ZNF236: variants seen among roughly 807,000 people sequenced by gnomAD.
ZNF236 encodes zinc finger protein 236, also known as regulated by glucose.
In ZNF236, 50 loss-of-function variants were observed where a neutral mutation model predicts 191.2. The observed-to-expected ratio is 0.26, with a 90% CI of 0.21 to 0.33. The LOEUF is 0.33. ZNF236 is among the 10% of genes least tolerant of loss of function. ZNF236 has a pLI of 1.00. For missense variants in ZNF236, 1,754 were observed against 2,374.5 expected, an observed-to-expected ratio of 0.74 and a Z score of 5.43; for synonymous variants, 907 against 928.8, an observed-to-expected ratio of 0.98 and a Z score of 0.43.
chr18:76,878,117 TCAA>T lies in ZNF236; in HGVS notation c.953_955del (p.Thr318del), dbSNP rs1425693604. 2 of 1,613,204 alleles carry T rather than the reference TCAA, an allele frequency of 1.2e-6. No individual in the cohort carries two copies. The highest frequency in any genetic ancestry group is 1.7e-6 in the Non-Finnish European group (2 of 1,179,494). On this transcript the variant is annotated inframe_deletion, in exon 7 of 31. Transcript: ENST00000320610. The stretch of plus-strand genomic sequence containing the variant: ...GATGCATATGGGTGGGCCACAGAAT[TCAA>T]CAAGTTCTACAGAGACTGCTCATGT...
chr18:76,823,744 G>A (rs1351680508), intron 1 of ZNF236, among the ~76,000 whole-genome samples: 1 of 152,210 alleles, frequency 6.6e-6, no homozygotes, highest in Non-Finnish European at 1.5e-5. Flanking sequence ...GCCCCAGCCC[G>A]GAGCTTGAGG....
At chr18:76,937,457 C>A in intron 26 of ZNF236, 114 bp downstream of exon 26, 1 of 1,021,068 alleles carries the variant, frequency 9.8e-7, no homozygotes, top group South Asian at 3.1e-5. Context: ...TCCCCAAAAT[C>A]GAAGCATTTT....
intron 28 of ZNF236, 30 bp from the exon 29 acceptor site, chr18:76,959,657 G>C (rs990122230): frequency 3.8e-6 from 6 of 1,575,932 alleles, no homozygotes; most frequent in Admixed American, 3.7e-5. Context: ...TTTTGATCTT[G>C]TTTCTTGGTT....
Position 76,919,859 on chromosome 18 carries a change from G to C in ZNF236, c.3358G>C (p.Glu1120Gln). The C allele has an allele frequency of 6.2e-7, 1 of 1,614,218 alleles. No individual in the cohort carries two copies. Among genetic ancestry groups the C allele is most frequent in the Non-Finnish European group, 8.5e-7 (1 of 1,180,052 alleles). Residue 1120 changes from glutamate to glutamine, a missense_variant, in exon 20 of 31, where the codon GAG becomes CAG. Physicochemically the swap from Glu to Gln is conservative, Grantham distance 29. Around this residue, in one of 5 missense-constraint regions of ZNF236, gnomAD observed 641 missense variants for 869.6 expected, o/e 0.74. Transcript: ENST00000320610. The surrounding 1 kb of genome is among the most constrained non-coding windows in gnomAD (Gnocchi z 5.3). ...SRPEVITFTE[E>Q]ETAQLAKIRP... is the part of the protein sequence containing the mutation. ...TCCTGAGGTCATCACTTTCACGGAG[G>C]AGGAGACAGCCCAGTTAGCCAAGAT... is the stretch of plus-strand genomic sequence containing the variant.
chr18:76,960,442 G>A lies in ZNF236; in HGVS notation c.5243-237G>A, dbSNP rs935020664. Among the ~76,000 whole-genome samples the A allele has an allele frequency of 2.6e-5, 4 of 152,076 alleles. No individual in the cohort carries two copies. Among genetic ancestry groups the A allele is most frequent in the South Asian group, 2.1e-4 (1 of 4,824 alleles). On this transcript the variant is annotated intron_variant, in intron 29 of 30. Transcript: ENST00000320610. The surrounding 1 kb of genome is among the most constrained non-coding windows in gnomAD (Gnocchi z 4.4). ...TGGGGTTCCACAGGCTGCATCCACC[G>A]TGGCCCTTCCATGGCTCTCTGATCC... is the stretch of plus-strand genomic sequence containing the variant.
intron 1 of ZNF236, among the ~76,000 whole-genome samples, chr18:76,837,270 C>T (rs1321923884): frequency 1.3e-5 from 2 of 151,902 alleles, no homozygotes; most frequent in South Asian, 4.2e-4. Flanking sequence ...CTTTTCGTGT[C>T]AAATTTAAGA....
intron 19 of ZNF236, among the ~76,000 whole-genome samples, chr18:76,916,943 C>T (rs941868035): frequency 6.6e-6 from 1 of 152,112 alleles, no homozygotes; most frequent in Non-Finnish European, 1.5e-5. Flanking sequence ...ACCATCTGAC[C>T]GAAAGACCAC....
intron 9 of ZNF236, among the ~76,000 whole-genome samples, chr18:76,882,925 G>T (rs1976938669): frequency 1.3e-5 from 2 of 152,212 alleles, no homozygotes; most frequent in Admixed American, 1.3e-4. Context: ...CTCTGTGCGA[G>T]TGCCCGCCTG....
intron 3 of ZNF236, among the ~76,000 whole-genome samples, chr18:76,858,559 AG>A (rs1329694001): frequency 6.6e-6 from 1 of 152,236 alleles, no homozygotes; most frequent in Non-Finnish European, 1.5e-5. Flanking sequence ...ACATTTTACA[AG>A]GGGAGCAGTT....
chr18:76,836,760 G>T (rs1053260644), intron 1 of ZNF236, among the ~76,000 whole-genome samples: 7 of 151,838 alleles, frequency 4.6e-5, no homozygotes, highest in African/African-American at 1.7e-4. Flanking sequence ...TGTATTTTTA[G>T]TAGAGGCGGG....
chr18:76,919,638 A>G lies in ZNF236; in HGVS notation c.3275-138A>G. The G allele has an allele frequency of 1.9e-6, 2 of 1,061,022 alleles. No individual in the cohort carries two copies. Among genetic ancestry groups the G allele is most frequent in the South Asian group, 1.6e-5 (1 of 61,180 alleles). The allele number at this position is 1,061,022 out of a possible 1,614,324, so 65.7% of individuals were successfully genotyped here. A position where few individuals can be genotyped will look rare whatever the true frequency, so the allele number is the denominator to read the frequency against. On this transcript the variant is annotated intron_variant, in intron 19 of 30. Coordinates refer to ENST00000320610, the MANE Select transcript of ZNF236 (RefSeq NM_001306089.2). This position sits in a 1 kb window ranked among gnomAD's most constrained non-coding sequence, Gnocchi z 5.3. ...TCAATAGAGGTGGGAAAATATAGCA[A>G]CTCTCTACCATCATAAAAATAGCTT...
chr18:76,898,033 G>T (rs927642870), intron 10 of ZNF236: 17 of 152,316 alleles, frequency 1.1e-4, no homozygotes, highest in African/African-American at 4.1e-4. Context: ...AGGGTGAAAA[G>T]AGACTTCTGT....
intron 3 of ZNF236, 92 bp from the exon 4 acceptor site, chr18:76,868,593 T>C: frequency 9.2e-7 from 1 of 1,082,080 alleles, no homozygotes; most frequent in Non-Finnish European, 1.3e-6. Context: ...TAGTTTTCAT[T>C]TAATTTGTGT....
intron 9 of ZNF236, among the ~76,000 whole-genome samples, chr18:76,883,273 A>C (rs1449443287): frequency 6.6e-6 from 1 of 152,038 alleles, no homozygotes; most frequent in Non-Finnish European, 1.5e-5. Context: ...AATCAATCAA[A>C]TACACATGTA....
At chr18:76,870,713 G>A (rs578105769) in intron 4 of ZNF236, among the ~76,000 whole-genome samples, 2 of 152,260 alleles carry the variant, frequency 1.3e-5, no homozygotes, top group South Asian at 2.1e-4. Context: ...GGAGACTGGG[G>A]TGAGGAGCAG....
chr18:76,940,835 G>A (rs1054930304), intron 26 of ZNF236, among the ~76,000 whole-genome samples: 4 of 152,202 alleles, frequency 2.6e-5, no homozygotes, highest in African/African-American at 9.7e-5. Flanking sequence ...TGGTCTGTTA[G>A]CATCCAGGCC....
At chr18:76,963,848 G>A (rs1014053951) in intron 30 of ZNF236, among the ~76,000 whole-genome samples, 13 of 152,078 alleles carry the variant, frequency 8.5e-5, no homozygotes, top group Non-Finnish European at 1.6e-4. Flanking sequence ...AGGTTTTCTA[G>A]TTTATATGTG....
chr18:76,940,195 C>T (rs1968102475), intron 26 of ZNF236, among the ~76,000 whole-genome samples: 1 of 145,436 alleles, frequency 6.9e-6, no homozygotes, highest in South Asian at 2.2e-4. Context: ...GTGGGCTACC[C>T]TAGCACTGCA....
Position 76,919,802 on chromosome 18 carries a change from C to G in ZNF236, c.3301C>G (p.His1101Asp), listed in dbSNP as rs750084757. Residue 1101 changes from histidine to aspartate, a missense_variant, in exon 20 of 31, where the codon CAT becomes GAT. This residue lies in a region of ZNF236 where 641 missense variants were observed against 869.6 expected (regional missense o/e 0.74). Coordinates refer to ENST00000320610, the MANE Select transcript of ZNF236 (RefSeq NM_001306089.2). This position sits in a 1 kb window ranked among gnomAD's most constrained non-coding sequence, Gnocchi z 5.3. ...CATTTGTATGGAGGAAGAGGAAGAA[C>G]ATTCTGACAGAAATGCATCACGGAA... The part of the protein sequence containing the change: ...GDICMEEEEE[H>D]SDRNASRKSR... The G allele has an allele frequency of 1.1e-5, 17 of 1,614,070 alleles. No individual in the cohort carries two copies. The highest frequency in any genetic ancestry group is 1.1e-5 in the Non-Finnish European group (13 of 1,180,008).
Sources: allele counts gnomAD v4.1 joint callset (sites outside exome capture counted in the v4.1 genomes callset), GRCh38; gene constraint gnomAD v4.1.1; regional missense constraint gnomAD v4.1.1; non-coding constraint Gnocchi (gnomAD v3.1); transcripts MANE v1.5; gene names NCBI Gene and HGNC (gene_info 2026-07-23, HGNC 2026-07-21).